Variants in IMMP2L observed in about 807,000 individuals in gnomAD.
IMMP2L encodes the protein mitochondrial inner membrane protease subunit 2.
Under a neutral mutation model 19.3 loss-of-function variants are expected in IMMP2L, and 18 were observed. That is an observed-to-expected ratio of 0.93 (90% CI 0.64 to 1.38). The LOEUF (loss-of-function observed/expected upper bound fraction) is 1.38, where lower values mean the gene tolerates loss of function less well. Among genes scored for constraint, IMMP2L ranks in the 40% most tolerant of loss-of-function variants. The pLI is 0.00. For synonymous variants in IMMP2L, 76 were observed against 73.0 expected, an observed-to-expected ratio of 1.04 and a Z score of -0.21; for missense variants, 233 against 218.2, an observed-to-expected ratio of 1.07 and a Z score of -0.43.
intron 3 of IMMP2L, among the ~76,000 whole-genome samples, chr7:111,077,883 T>C (rs1053848371): frequency 2.6e-5 from 4 of 152,214 alleles, no homozygotes; most frequent in Admixed American, 1.3e-4. Context: ...CAAGGACCTT[T>C]GTGCACACTG....
chr7:110,739,644 G>A (rs1562948331), intron 5 of IMMP2L, among the ~76,000 whole-genome samples: 1 of 152,088 alleles, frequency 6.6e-6, no homozygotes. Flanking sequence ...GACAGCACTA[G>A]ACAGGTCATC....
intron 3 of IMMP2L, among the ~76,000 whole-genome samples, chr7:111,023,449 C>T (rs1273593015): frequency 1.3e-5 from 2 of 151,864 alleles, no homozygotes; most frequent in Non-Finnish European, 2.9e-5. Flanking sequence ...GCCTGCAGTC[C>T]CAGCACTTTG....
intron 5 of IMMP2L, among the ~76,000 whole-genome samples, chr7:110,852,240 G>A (rs181246027): frequency 6.6e-6 from 1 of 151,456 alleles, no homozygotes; most frequent in African/African-American, 2.4e-5. Context: ...ATGGATGGAT[G>A]GATGTATACA....
intron 4 of IMMP2L, among the ~76,000 whole-genome samples, chr7:110,903,250 T>C (rs1474674641): frequency 6.6e-6 from 1 of 152,214 alleles, no homozygotes; most frequent in Non-Finnish European, 1.5e-5. Flanking sequence ...TTTATTGTGG[T>C]AAAAGCACTT....
intron 4 of IMMP2L, among the ~76,000 whole-genome samples, chr7:110,929,389 T>C (rs1486142015): frequency 6.6e-6 from 1 of 152,136 alleles, no homozygotes; most frequent in African/African-American, 2.4e-5. Context: ...TCCTATGATC[T>C]TTGGCATCAA....
chr7:111,558,562 T>G (rs1791645560), intron 1 of IMMP2L, among the ~76,000 whole-genome samples: 1 of 152,218 alleles, frequency 6.6e-6, no homozygotes, highest in Non-Finnish European at 1.5e-5. Flanking sequence ...TAACAGGCCC[T>G]GCCTGAAAAC....
At chr7:110,906,552 G>A (rs530927939) in intron 4 of IMMP2L, among the ~76,000 whole-genome samples, 1 of 152,248 alleles carries the variant, frequency 6.6e-6, no homozygotes, top group East Asian at 1.9e-4. Flanking sequence ...TACAAAATTA[G>A]GGAGCTTACT....
At chr7:110,910,831 A>G (rs1015003373) in intron 4 of IMMP2L, among the ~76,000 whole-genome samples, 18 of 152,148 alleles carry the variant, frequency 1.2e-4, no homozygotes, top group Non-Finnish European at 1.5e-5. Flanking sequence ...TCATAATTCT[A>G]AAACCCTGGT....
intron 3 of IMMP2L, among the ~76,000 whole-genome samples, chr7:110,985,567 TATAA>T (rs1470592449): frequency 6.6e-6 from 1 of 152,292 alleles, no homozygotes; most frequent in East Asian, 1.9e-4. Context: ...ACCATGACAA[TATAA>T]ATAAAGTATG....
chr7:111,450,100 A>C (rs1838966724), intron 3 of IMMP2L, among the ~76,000 whole-genome samples: 1 of 151,990 alleles, frequency 6.6e-6, no homozygotes, highest in Admixed American at 6.5e-5. Flanking sequence ...GCTCATGGGT[A>C]GGAAGAATCA....
At chr7:111,226,050 T>C (rs1283618462) in intron 3 of IMMP2L, among the ~76,000 whole-genome samples, 1 of 152,082 alleles carries the variant, frequency 6.6e-6, no homozygotes, top group African/African-American at 2.4e-5. Context: ...CTCATGAAGG[T>C]TTAGACTAAA....
At chr7:111,506,241 T>G (rs1844888920) in intron 2 of IMMP2L, among the ~76,000 whole-genome samples, 2 of 150,906 alleles carry the variant, frequency 1.3e-5, no homozygotes, top group African/African-American at 4.9e-5. Flanking sequence ...AATAATAAAT[T>G]TTTAAAAAGA....
chr7:111,439,795 CTGTT>C (rs1837541589), intron 3 of IMMP2L, among the ~76,000 whole-genome samples: 1 of 151,866 alleles, frequency 6.6e-6, no homozygotes, highest in Admixed American at 6.5e-5. Flanking sequence ...GCATGCATTG[CTGTT>C]TGATTGCATT....
chr7:110,907,997 G>T (rs1191573414), intron 4 of IMMP2L, among the ~76,000 whole-genome samples: 1 of 152,144 alleles, frequency 6.6e-6, no homozygotes, highest in Non-Finnish European at 1.5e-5. Context: ...TGTCTCATGA[G>T]CAAGAGGGAG....
At position 110,782,301 on chromosome 7, in the gene IMMP2L, T is replaced by C. The variant is rs145715412; in HGVS notation, c.408+104292A>G. Among the ~76,000 whole-genome samples, 314 of 152,052 alleles carry C rather than the reference T, an allele frequency of 2.1e-3. 4 individuals carry two copies. Among genetic ancestry groups the C allele is most frequent in the Non-Finnish European group, 2.3e-3 (155 of 67,910 alleles). On this transcript the variant is annotated intron_variant, in intron 5 of 5. Transcript: ENST00000405709. ...AAAGTGAGACAATACACATGACTAT[T>C]TTAAATTAAAAATAACAGTAGGGGA...
chr7:111,220,292 G>A (rs951295471), intron 3 of IMMP2L, among the ~76,000 whole-genome samples: 1 of 151,702 alleles, frequency 6.6e-6, no homozygotes. Context: ...GGTATTATAC[G>A]ATATAAAAGA....
intron 3 of IMMP2L, among the ~76,000 whole-genome samples, chr7:111,460,829 C>A (rs1397259697): frequency 2.6e-5 from 4 of 151,892 alleles, no homozygotes; most frequent in African/African-American, 9.7e-5. Context: ...CTATATTGAA[C>A]CCCAGGCAAA....
intron 3 of IMMP2L, among the ~76,000 whole-genome samples, chr7:111,437,179 C>T (rs1372859647): frequency 1.3e-5 from 2 of 151,788 alleles, no homozygotes; most frequent in African/African-American, 2.4e-5. Flanking sequence ...GACACGGTGG[C>T]TCGTGCCTGT....
chr7:111,313,875 A>C (rs1411741196), intron 3 of IMMP2L, among the ~76,000 whole-genome samples: 3 of 151,930 alleles, frequency 2.0e-5, no homozygotes, highest in Admixed American at 2.0e-4. Flanking sequence ...GCCTGGTGGG[A>C]GGTGTTTGGA....
Sources: allele counts gnomAD v4.1 joint callset (sites outside exome capture counted in the v4.1 genomes callset), GRCh38; gene constraint gnomAD v4.1.1; transcripts MANE v1.5; gene names NCBI Gene and HGNC (gene_info 2026-07-23, HGNC 2026-07-21).